Variants in TLE4 observed in about 807,000 individuals in gnomAD.
TLE4 encodes the protein TLE family member 4, transcriptional corepressor, also known as transducin-like enhancer protein 4.
TLE4 carries 8 observed loss-of-function variants against 92.8 expected under a neutral mutation model. That is an observed-to-expected ratio of 0.09 (90% confidence interval 0.05 to 0.16). The LOEUF is 0.16. Ranked by LOEUF, TLE4 falls within the 10% of genes least tolerant of loss-of-function variation. The pLI is 1.00. For synonymous variants in TLE4, 371 were observed against 374.1 expected, an observed-to-expected ratio of 0.99 and a Z score of 0.10; for missense variants, 675 against 997.6, an observed-to-expected ratio of 0.68 and a Z score of 4.36.
Position 79,704,798 on chromosome 9 carries a change from C to G in TLE4, c.625C>G (p.Pro209Ala). ...RDSIKSSSVS[P>A]SASFRGAEKH... ...CTAATTCCAGAGCTCTTCAGTATCCCCATCAGCCAGTTTCCGAGGTGCTGA... is the reference window on the plus strand; with the variant it reads ...CTAATTCCAGAGCTCTTCAGTATCCGCATCAGCCAGTTTCCGAGGTGCTGA... The change falls in exon 9 of 20, where the codon CCA (proline) becomes GCA (alanine). Residue 209 changes from proline (P) to alanine (A), a missense_variant. Physicochemically the swap from Pro to Ala is conservative, Grantham distance 27 (BLOSUM62 -1). Coordinates refer to ENST00000376552, the MANE Select transcript of TLE4 (RefSeq NM_007005.6). 1 of 1,614,124 alleles carries G rather than the reference C, an allele frequency of 6.2e-7. No individual in the cohort carries two copies. Among genetic ancestry groups the G allele is most frequent in the Non-Finnish European group, 8.5e-7 (1 of 1,180,022 alleles).
At position 79,649,264 on chromosome 9, in the gene TLE4, A is replaced by C. The variant is rs574616082; in HGVS notation, c.391-3329A>C. Reference sequence around the variant, plus strand: ...GGTGTGCGAAGACAGGGACGGACATACATACATACACACACACACACACAC... The same window carrying C: ...GGTGTGCGAAGACAGGGACGGACATCCATACATACACACACACACACACAC... On this transcript the variant is annotated intron_variant, in intron 6 of 19. Transcript: ENST00000376552. Among the ~76,000 whole-genome samples the C allele has an allele frequency of 2.4e-4, 21 of 86,328 alleles. No homozygotes were observed. The East Asian group carries it at 6.6e-3, about 27-fold the overall frequency. 56.6% of individuals were successfully genotyped at this position (86,328 alleles called of 152,430 possible).
At chr9:79,658,607 G>A (rs1483387412) in intron 8 of TLE4, among the ~76,000 whole-genome samples, 1 of 152,098 alleles carries the variant, frequency 6.6e-6, no homozygotes, top group Non-Finnish European at 1.5e-5. Context: ...CATGATTCAG[G>A]CCAAGAAAGC....
At chr9:79,573,449 T>C in intron 1 of TLE4, 1 of 1,128,434 alleles carries the variant, frequency 8.9e-7, no homozygotes, top group Non-Finnish European at 1.1e-6. Flanking sequence ...ACTCGAACCC[T>C]CGGGGTCCGG....
chr9:79,607,781 A>G (rs1378480217), intron 4 of TLE4, among the ~76,000 whole-genome samples: 9 of 140,268 alleles, frequency 6.4e-5, no homozygotes, highest in East Asian at 3.9e-4. Context: ...TACCAGTACC[A>G]TGCTGTTTTG....
chr9:79,661,241 T>G (rs745596640), intron 8 of TLE4, among the ~76,000 whole-genome samples: 1 of 152,184 alleles, frequency 6.6e-6, no homozygotes, highest in Non-Finnish European at 1.5e-5. Context: ...TTTTGTATTC[T>G]TACAGTAACA....
In TLE4 at chr9:79,613,629, GCA is replaced by G. The variant is rs542539877; in HGVS notation, c.315+914_315+915del. Among the ~76,000 whole-genome samples, 88 of 152,278 alleles carry G rather than the reference GCA, an allele frequency of 5.8e-4. 1 individual carries two copies. Among genetic ancestry groups the G allele is most frequent in the African/African-American group, 2.0e-3 (83 of 41,558 alleles). ...ATACTTTGTGCTGTGGGCTGAGAAG[GCA>G]CAGAGGCACTTTTCTTCCTACCCTT... On this transcript the variant is annotated intron_variant, in intron 5 of 19. Transcript: ENST00000376552.
At chr9:79,626,658 T>C (rs2052691623) in intron 5 of TLE4, among the ~76,000 whole-genome samples, 1 of 152,230 alleles carries the variant, frequency 6.6e-6, no homozygotes, top group African/African-American at 2.4e-5. Context: ...CAGTTCTTAC[T>C]TATTCTCACT....
intron 14 of TLE4, among the ~76,000 whole-genome samples, chr9:79,714,724 G>A (rs2074122642): frequency 1.3e-5 from 2 of 152,124 alleles, no homozygotes; most frequent in South Asian, 2.1e-4. Flanking sequence ...GTCACTTGTG[G>A]GCAAGACCAG....
At position 79,665,239 on chromosome 9, in the gene TLE4, G is replaced by T. The variant is rs896813626; in HGVS notation, c.609+11164G>T. ...TGGTTCCTGACTTTGAAACCTGTTG[G>T]TATTGACAGATGAACTTGCAGTCCA... On this transcript the variant is annotated intron_variant, in intron 8 of 19. Coordinates refer to ENST00000376552, the MANE Select transcript of TLE4 (RefSeq NM_007005.6). Among the ~76,000 whole-genome samples the T allele has an allele frequency of 2.0e-5, 3 of 152,126 alleles. No individual in the cohort carries two copies. In the East Asian group the frequency reaches 5.8e-4, roughly 29 times the overall value.
intron 8 of TLE4, among the ~76,000 whole-genome samples, chr9:79,666,916 T>C (rs1401607841): frequency 6.6e-6 from 1 of 152,212 alleles, no homozygotes; most frequent in African/African-American, 2.4e-5. Flanking sequence ...CACTGAAGTA[T>C]TTAAAAGTTA....
chr9:79,694,546 T>A (rs1343791292), intron 8 of TLE4, among the ~76,000 whole-genome samples: 2 of 152,172 alleles, frequency 1.3e-5, no homozygotes, highest in African/African-American at 4.8e-5. Flanking sequence ...AGTATCTATG[T>A]CTCATTTATT....
chr9:79,637,353 G>A lies in TLE4; in HGVS notation c.390+9905G>A, dbSNP rs529588108. Among the ~76,000 whole-genome samples, 101 of 152,284 alleles carry A rather than the reference G, an allele frequency of 6.6e-4. 1 individual carries two copies. The highest frequency in any genetic ancestry group is 7.4e-5 in the Non-Finnish European group (5 of 68,024). On this transcript the variant is annotated intron_variant, in intron 6 of 19. Coordinates refer to ENST00000376552, the MANE Select transcript of TLE4 (RefSeq NM_007005.6). ...TAATGAAACCAAGGGCTTTGAAGAG[G>A]TAAGTCATTTTCTGAAGGCCACACA...
At chr9:79,594,091 T>C (rs2132414287) in intron 4 of TLE4, among the ~76,000 whole-genome samples, 1 of 152,296 alleles carries the variant, frequency 6.6e-6, no homozygotes, top group South Asian at 2.1e-4. Context: ...GCATCAGTAT[T>C]TTTCTAAAAG....
Position 79,652,709 on chromosome 9 carries a change from T to C in TLE4, c.507T>C (p.Leu169=), listed in dbSNP as rs1001463378. 3 of 1,614,058 alleles carry C rather than the reference T, an allele frequency of 1.9e-6. No homozygotes were observed. The highest frequency in any genetic ancestry group is 2.5e-6 in the Non-Finnish European group (3 of 1,180,040). ...CACCCATCGGTAGCAGTGCCGGGCT[T>C]CTGGCCCTCTCCAGTGCTCTAGGAG... The part of the protein sequence containing the change: ...AIPPIGSSAG[L]LALSSALGGQ... The change falls in exon 7 of 20, where the codon CTT becomes CTC. Residue 169 remains leucine (L), a synonymous_variant. Coordinates refer to ENST00000376552, the MANE Select transcript of TLE4 (RefSeq NM_007005.6).
intron 5 of TLE4, among the ~76,000 whole-genome samples, chr9:79,621,398 C>A (rs1285105649): frequency 1.3e-5 from 2 of 152,074 alleles, no homozygotes; most frequent in East Asian, 3.9e-4. Context: ...TGAGAACATG[C>A]ATTATGCATT....
chr9:79,617,849 G>T (rs553038264), intron 5 of TLE4, among the ~76,000 whole-genome samples: 20 of 142,236 alleles, frequency 1.4e-4, no homozygotes, highest in African/African-American at 4.9e-4. Flanking sequence ...AAAAAAAAAA[G>T]CTTGTTTCTC....
At chr9:79,658,766 A>G (rs769201677) in intron 8 of TLE4, among the ~76,000 whole-genome samples, 1 of 152,220 alleles carries the variant, frequency 6.6e-6, no homozygotes, top group African/African-American at 2.4e-5. Flanking sequence ...TCCAGACTTT[A>G]GAAGTACATA....
intron 6 of TLE4, among the ~76,000 whole-genome samples, chr9:79,645,260 A>G (rs1564611245): frequency 1.3e-5 from 2 of 152,206 alleles, no homozygotes; most frequent in Non-Finnish European, 1.5e-5. Flanking sequence ...ATATGAGCAC[A>G]AAGTGTGCTC....
rs2061953802 is a variant in TLE4 at position 79,669,683 on chromosome 9, A to T, written c.609+15608A>T. Among the ~76,000 whole-genome samples, 4 of 152,152 alleles carry T rather than the reference A, an allele frequency of 2.6e-5. No homozygotes were observed. The South Asian group carries it at 8.3e-4, about 32-fold the overall frequency. On this transcript the variant is annotated intron_variant, in intron 8 of 19. Transcript: ENST00000376552. ...ATTGGATTCCCCTCTGCTACTGGTGACAAAAAGAATGGATTATACCTTTGT... is the reference window on the plus strand; with the variant it reads ...ATTGGATTCCCCTCTGCTACTGGTGTCAAAAAGAATGGATTATACCTTTGT...
Sources: allele counts gnomAD v4.1 joint callset (sites outside exome capture counted in the v4.1 genomes callset), GRCh38; gene constraint gnomAD v4.1.1; transcripts MANE v1.5; gene names NCBI Gene and HGNC (gene_info 2026-07-23, HGNC 2026-07-21).